Variants in KCNH4 observed in about 807,000 individuals in gnomAD.
The protein encoded by KCNH4 is potassium voltage-gated channel subfamily H member 4.
A neutral mutation model predicts 90.7 loss-of-function variants in KCNH4; 33 were observed. The observed-to-expected ratio is 0.36, with a 90% CI of 0.28 to 0.49. The LOEUF (loss-of-function observed/expected upper bound fraction) is 0.49, where lower values mean the gene tolerates loss of function less well. Ranked by LOEUF, KCNH4 falls within the 20% of genes least tolerant of loss-of-function variation. The probability of loss-of-function intolerance (pLI) is 0.98; values close to 1 mark genes in which losing one functional copy is unlikely to be tolerated. For missense variants in KCNH4, 1,044 were observed against 1,387.1 expected (o/e 0.75, Z 3.93); for synonymous variants, 551 against 581.7 (o/e 0.95, Z 0.76).
At position 42,170,125 on chromosome 17, in the gene KCNH4, A is replaced by G; in HGVS notation, c.1372T>C (p.Cys458Arg). 1 of 1,611,106 alleles carries G rather than the reference A, an allele frequency of 6.2e-7. No homozygotes were observed. The highest frequency in any genetic ancestry group is 8.5e-7 in the Non-Finnish European group (1 of 1,178,534). The change falls in exon 8 of 17, where the codon TGC becomes CGC. Residue 458 changes from cysteine (C) to arginine (R), a missense_variant. By Grantham distance (180) the Cys-to-Arg change is radical. Transcript: ENST00000264661. The part of the protein sequence containing the change: ...NTDAEKIFSI[C>R]TMLIGALMHA... ...GCCTCACCGCCTATGAGCATCGTGC[A>G]GATGGAGAAGATCTTCTCCGCGTCG...
chr17:42,168,910 T>C (rs529814175), intron 9 of KCNH4, among the ~76,000 whole-genome samples: 1 of 151,802 alleles, frequency 6.6e-6, no homozygotes, highest in South Asian at 2.1e-4. Context: ...TAGCTGGGAC[T>C]ATAGGTGCAC....
At chr17:42,174,858 C>T (rs1427032147) in intron 6 of KCNH4, among the ~76,000 whole-genome samples, 2 of 152,174 alleles carry the variant, frequency 1.3e-5, no homozygotes, top group African/African-American at 2.4e-5. Flanking sequence ...ACCTTCTTGT[C>T]TAGGTTTACT....
intron 3 of KCNH4, 42 bp from the exon 4 acceptor site, chr17:42,178,269 C>CT (rs2079876528): frequency 6.2e-7 from 1 of 1,614,160 alleles, no homozygotes; most frequent in African/African-American, 1.3e-5. Flanking sequence ...GGGCACATCC[C>CT]TTGCGGCTGG....
chr17:42,162,134 T>G (rs2079753271), intron 15 of KCNH4, 114 bp downstream of exon 15: 3 of 819,082 alleles, frequency 3.7e-6, no homozygotes, highest in South Asian at 1.6e-5. Context: ...TTAGCAGAGA[T>G]AGGGTTTCAT....
rs2079878373 is a variant in KCNH4 at position 42,178,490 on chromosome 17, AGAGAGGGAAGG to A, written c.311-24_311-14del. The A allele has an allele frequency of 6.2e-7, 1 of 1,613,826 alleles. No homozygotes were observed. The highest frequency in any genetic ancestry group is 1.7e-5 in the Admixed American group (1 of 59,964). On this transcript the variant is annotated splice_polypyrimidine_tract_variant and intron_variant, in intron 2 of 16. Transcript: ENST00000264661. ...CAAAAGGCTGAGCCTGTAGGCATGG[AGAGAGGGAAGG>A]GAGGAGCATGGGCAGCCCCATGGCA... is the stretch of plus-strand genomic sequence containing the variant.
intron 9 of KCNH4, 67 bp downstream of exon 9, chr17:42,169,410 C>G: frequency 1.4e-6 from 2 of 1,442,612 alleles, no homozygotes; most frequent in Non-Finnish European, 1.9e-6. Flanking sequence ...GGGGCAGCGA[C>G]TCCTTCCCCA....
At chr17:42,171,348 G>C (rs1402496522) in intron 7 of KCNH4, among the ~76,000 whole-genome samples, 1 of 152,036 alleles carries the variant, frequency 6.6e-6, no homozygotes, top group African/African-American at 2.4e-5. Flanking sequence ...GAGGTGTCAG[G>C]GACCATGCCC....
chr17:42,170,086 G>T, intron 8 of KCNH4, 21 bp downstream of exon 8: 1 of 1,572,138 alleles, frequency 6.4e-7, no homozygotes, highest in South Asian at 1.2e-5. Flanking sequence ...CCCCACTGAG[G>T]CGTGGCAGGT....
intron 7 of KCNH4, among the ~76,000 whole-genome samples, chr17:42,171,556 A>C (rs528588947): frequency 1.3e-5 from 2 of 152,056 alleles, no homozygotes; most frequent in Non-Finnish European, 2.9e-5. Flanking sequence ...TTTGATCACT[A>C]TCACTGGTCT....
At chr17:42,158,485 T>G (rs573694474) in intron 16 of KCNH4, among the ~76,000 whole-genome samples, 1 of 147,164 alleles carries the variant, frequency 6.8e-6, no homozygotes, top group African/African-American at 2.5e-5. Flanking sequence ...GAGCCGAGAT[T>G]GCACCACTGC....
chr17:42,175,838 G>A (rs1351055466), intron 5 of KCNH4, 102 bp from the exon 6 acceptor site: 9 of 1,430,738 alleles, frequency 6.3e-6, no homozygotes, highest in Admixed American at 1.8e-5. Flanking sequence ...AGGCAGGCAT[G>A]GAGAGATAGA....
intron 4 of KCNH4, among the ~76,000 whole-genome samples, chr17:42,176,909 T>C (rs2079866135): frequency 2.0e-5 from 3 of 152,016 alleles, no homozygotes. Context: ...CATTTTTAAG[T>C]TTAGAGACAG....
At chr17:42,174,783 C>A (rs1045920385) in intron 6 of KCNH4, among the ~76,000 whole-genome samples, 5 of 152,090 alleles carry the variant, frequency 3.3e-5, no homozygotes, top group Non-Finnish European at 5.9e-5. Context: ...TCCAGAGTGT[C>A]CCCAGGGATC....
intron 6 of KCNH4, among the ~76,000 whole-genome samples, chr17:42,173,568 A>G (rs1274231314): frequency 1.3e-5 from 2 of 150,464 alleles, no homozygotes; most frequent in South Asian, 4.2e-4. Context: ...TCTCTGCTCT[A>G]CCTCTCTCTG....
chr17:42,171,524 CAG>C (rs1308277797), intron 7 of KCNH4, among the ~76,000 whole-genome samples: 1 of 152,090 alleles, frequency 6.6e-6, no homozygotes, highest in East Asian at 1.9e-4. Context: ...CCTCCACCCT[CAG>C]AGTGTTTCCT....
At position 42,164,152 on chromosome 17, in the gene KCNH4, G is replaced by T. The variant is rs1568032383; in HGVS notation, c.2102C>A (p.Ser701Tyr). The T allele has an allele frequency of 6.4e-7, 1 of 1,552,710 alleles. No homozygotes were observed. The highest frequency in any genetic ancestry group is 8.7e-7 in the Non-Finnish European group (1 of 1,147,490). The change falls in exon 12 of 17, where the codon TCC becomes TAC. Residue 701 changes from serine (S) to tyrosine (Y), a missense_variant. This residue lies in a region of KCNH4 where 441 missense variants were observed against 512.3 expected (regional missense o/e 0.86). Coordinates refer to ENST00000264661, the MANE Select transcript of KCNH4 (RefSeq NM_012285.3). ...GSDTSGLSRF[S>Y]RSPRLSQPRS... is the part of the protein sequence containing the mutation. ...TACCTGGGAGAGGCGAGGGGATCGG[G>T]AAAAGCGGCTGAGGCCCTGTGGGGA...
At chr17:42,157,963 T>C (rs1431853929) in intron 16 of KCNH4, among the ~76,000 whole-genome samples, 2 of 152,020 alleles carry the variant, frequency 1.3e-5, no homozygotes, top group Non-Finnish European at 2.9e-5. Context: ...AGTTTCACTC[T>C]TATTGCCCAG....
chr17:42,175,560 C>T lies in KCNH4; in HGVS notation c.987+19G>A, dbSNP rs769915589. On this transcript the variant is annotated intron_variant, in intron 6 of 16. Transcript: ENST00000264661. ...GAAGTTGGGAGGTTGGACTGGATGGCGGGATGGAGGTCACTCACCACGGTG... is the reference window on the plus strand; with the variant it reads ...GAAGTTGGGAGGTTGGACTGGATGGTGGGATGGAGGTCACTCACCACGGTG... The T allele has an allele frequency of 6.8e-6, 11 of 1,613,676 alleles. No individual in the cohort carries two copies. Among genetic ancestry groups the T allele is most frequent in the African/African-American group, 4.0e-5 (3 of 74,870 alleles).
chr17:42,159,528 T>C (rs1347800861), intron 16 of KCNH4, among the ~76,000 whole-genome samples: 3 of 152,070 alleles, frequency 2.0e-5, no homozygotes, highest in Non-Finnish European at 4.4e-5. Context: ...CCTACCCCTC[T>C]CTAGGTAACA....
Sources: gnomAD v4.1 joint callset for allele counts (sites outside exome capture counted in the v4.1 genomes callset) on GRCh38, gnomAD v4.1.1 for gene constraint, gnomAD v4.1.1 regional missense constraint, MANE v1.5 for transcripts, NCBI Gene and HGNC (gene_info 2026-07-23, HGNC 2026-07-21) for gene names.